PKD2L2: variants seen among roughly 807,000 people sequenced by gnomAD.
PKD2L2 encodes the protein polycystin-2-like protein 2.
Under a neutral mutation model 83.9 loss-of-function variants are expected in PKD2L2, and 67 were observed. The ratio of observed to expected loss-of-function variants is 0.80; its 90% CI spans 0.66 to 0.98. The LOEUF is 0.98. PKD2L2 is among the 50% of genes least tolerant of loss of function. The probability of loss-of-function intolerance (pLI) is 0.00; values close to 1 mark genes in which losing one functional copy is unlikely to be tolerated. For missense variants in PKD2L2, 632 were observed against 717.2 expected, an observed-to-expected ratio of 0.88 and a Z score of 1.36; for synonymous variants, 223 against 237.8, an observed-to-expected ratio of 0.94 and a Z score of 0.57.
chr5:137,897,539 T>C (rs1756585465), intron 4 of PKD2L2, among the ~76,000 whole-genome samples: 2 of 152,322 alleles, frequency 1.3e-5, no homozygotes, highest in South Asian at 4.1e-4. Context: ...ATCAATTAGG[T>C]TTATTTTATA....
At chr5:137,914,571 C>T (rs1758156087) in intron 8 of PKD2L2, among the ~76,000 whole-genome samples, 1 of 152,136 alleles carries the variant, frequency 6.6e-6, no homozygotes, top group Non-Finnish European at 1.5e-5. Context: ...GTCATATCAT[C>T]TGCAAAGAAA....
At chr5:137,893,611 CT>C (rs1178114189) in intron 3 of PKD2L2, among the ~76,000 whole-genome samples, 1 of 152,064 alleles carries the variant, frequency 6.6e-6, no homozygotes, top group Non-Finnish European at 1.5e-5. Context: ...ACATGTGGAG[CT>C]ATGTTTGGTA....
intron 8 of PKD2L2, among the ~76,000 whole-genome samples, chr5:137,920,562 G>A (rs1758798879): frequency 6.6e-6 from 1 of 151,890 alleles, no homozygotes; most frequent in Non-Finnish European, 1.5e-5. Flanking sequence ...TTCGAGACCA[G>A]CCTGGACAAG....
intron 14 of PKD2L2, among the ~76,000 whole-genome samples, chr5:137,940,637 C>G (rs1761427994): frequency 6.6e-6 from 1 of 152,212 alleles, no homozygotes; most frequent in Non-Finnish European, 1.5e-5. Context: ...CAGTGCTAGA[C>G]TCTGCCAGGT....
At chr5:137,941,171 G>T (rs1321965430) in intron 14 of PKD2L2, among the ~76,000 whole-genome samples, 1 of 152,082 alleles carries the variant, frequency 6.6e-6, no homozygotes, top group Non-Finnish European at 1.5e-5. Flanking sequence ...GCCTCCCAAA[G>T]TGCTGGTATT....
Position 137,942,550 on chromosome 5 carries a change from T to C in PKD2L2, c.*184T>C. On this transcript the variant is annotated 3_prime_UTR_variant, in exon 15 of 15. Transcript: ENST00000508883. ...TAATTTAAACAAAATTTTTATACAGTCTGGGTCCCACTATATTGCCCAGGC... is the reference window on the plus strand; with the variant it reads ...TAATTTAAACAAAATTTTTATACAGCCTGGGTCCCACTATATTGCCCAGGC... 3.6e-6 allele frequency: 1 copy of C among 281,508 alleles called. No individual in the cohort carries two copies. 17.4% of individuals were successfully genotyped at this position (281,508 alleles called of 1,614,324 possible).
At chr5:137,908,737 T>C in intron 7 of PKD2L2, 28 bp from the exon 8 acceptor site, 1 of 1,113,278 alleles carries the variant, frequency 9.0e-7, no homozygotes, top group South Asian at 1.5e-5. Flanking sequence ...GATATTCTCC[T>C]ATTTCAATTA....
chr5:137,899,753 C>CT lies in PKD2L2; in HGVS notation c.746+23dup. The CT allele has an allele frequency of 1.3e-6, 2 of 1,488,386 alleles. No individual in the cohort carries two copies. The highest frequency in any genetic ancestry group is 1.9e-6 in the Non-Finnish European group (2 of 1,073,138). 92.2% of individuals were successfully genotyped at this position (1,488,386 alleles called of 1,614,324 possible). A position where few individuals can be genotyped will look rare whatever the true frequency, so the allele number is the denominator to read the frequency against. ...GTATTATCAGGTGAGTGACTCAAAA[C>CT]TTTTTTTCATAGACAGTGGTCAATG... On this transcript the variant is annotated intron_variant, in intron 5 of 14. Coordinates refer to ENST00000508883, the MANE Select transcript of PKD2L2 (RefSeq NM_001300921.2).
chr5:137,906,290 C>T lies in PKD2L2; in HGVS notation c.831C>T (p.Tyr277=). ...TGAAGCTCCTCAGATATGTTAGCTA[C>T]TATGACTATTTTATTGCTTCCTGTG... ...YSVKLLRYVS[Y]YDYFIASCEI... The change falls in exon 6 of 15, where the codon TAC becomes TAT. Residue 277 remains tyrosine (Y), a synonymous_variant. Transcript: ENST00000508883. 6.2e-7 allele frequency: 1 copy of T among 1,611,106 alleles called. No homozygotes were observed. The highest frequency in any genetic ancestry group is 8.5e-7 in the Non-Finnish European group (1 of 1,177,394).
Position 137,892,499 on chromosome 5 carries a change from C to T in PKD2L2, c.153C>T (p.Asn51=). 6.4e-7 allele frequency: 1 copy of T among 1,563,294 alleles called. No homozygotes were observed. ...CCTTAGTGACTTTTGGGATGGTAAA[C>T]CCACATATGTATTACTTAAACAAGG... ...NLCILTFGMV[N]PHMYYLNKVM... is the part of the protein sequence containing the mutation. The change falls in exon 3 of 15, where the codon AAC becomes AAT. Residue 51 remains asparagine, a synonymous_variant. Coordinates refer to ENST00000508883, the MANE Select transcript of PKD2L2 (RefSeq NM_001300921.2).
Position 137,889,520 on chromosome 5 carries a change from G to T in PKD2L2, c.29G>T (p.Gly10Val). Residue 10 changes from glycine to valine, a missense_variant and splice_region_variant, in exon 1 of 15, where the codon GGC becomes GTC. This residue lies in a region of PKD2L2 where 229 missense variants were observed against 281.5 expected (regional missense o/e 0.81). Transcript: ENST00000508883. MAEASRWHR[G>V]GASKHKLHYR... ...GCTGAGGCGTCACGGTGGCACCGAG[G>T]CGGTGAGGGGTCCTCTTAAGGAGTG... 1 of 1,553,758 alleles carries T rather than the reference G, an allele frequency of 6.4e-7. No individual in the cohort carries two copies. Among genetic ancestry groups the T allele is most frequent in the Non-Finnish European group, 8.6e-7 (1 of 1,158,274 alleles).
At chr5:137,925,328 T>C (rs1183038855) in intron 11 of PKD2L2, among the ~76,000 whole-genome samples, 1 of 152,156 alleles carries the variant, frequency 6.6e-6, no homozygotes, top group African/African-American at 2.4e-5. Flanking sequence ...AAGGTTTTAA[T>C]TGCAAAACCA....
At chr5:137,934,271 T>A (rs779353652) in intron 12 of PKD2L2, among the ~76,000 whole-genome samples, 4 of 152,176 alleles carry the variant, frequency 2.6e-5, no homozygotes, top group Non-Finnish European at 4.4e-5. Flanking sequence ...CCTCTAAGTG[T>A]CAAGGAAGGC....
In PKD2L2 at chr5:137,935,925, A is replaced by G; in HGVS notation, c.1784+16A>G. The G allele has an allele frequency of 7.6e-7, 1 of 1,310,638 alleles. No homozygotes were observed. The highest frequency in any genetic ancestry group is 1.2e-5 in the South Asian group (1 of 83,834). 81.2% of individuals were successfully genotyped at this position (1,310,638 alleles called of 1,614,324 possible). A position where few individuals can be genotyped will look rare whatever the true frequency, so the allele number is the denominator to read the frequency against. ...AATTTCGAGAGTAAGCTTATGTTCT[A>G]ACCAGACTATTATGGGATATCATGA... On this transcript the variant is annotated intron_variant, in intron 13 of 14. Coordinates refer to ENST00000508883, the MANE Select transcript of PKD2L2 (RefSeq NM_001300921.2).
chr5:137,894,469 TC>T lies in PKD2L2; in HGVS notation c.387del (p.Arg130GlufsTer5). ...ACTATGAAAATATACTTCTAGGAGT[TC>T]CCAGAGTTCGTCAACTAAAAGTCCG... ...IYYENILLGV[P>X]RVRQLKVRNN... On this transcript the variant is annotated frameshift_variant, in exon 4 of 15. Coordinates refer to ENST00000508883, the MANE Select transcript of PKD2L2 (RefSeq NM_001300921.2). LOFTEE classifies it high-confidence loss of function. The T allele has an allele frequency of 6.2e-7, 1 of 1,613,970 alleles. No individual in the cohort carries two copies. The highest frequency in any genetic ancestry group is 8.5e-7 in the Non-Finnish European group (1 of 1,179,926).
At chr5:137,922,922 T>C (rs1287851921) in intron 9 of PKD2L2, among the ~76,000 whole-genome samples, 1 of 152,204 alleles carries the variant, frequency 6.6e-6, no homozygotes, top group African/African-American at 2.4e-5. Context: ...TTCTACTTTA[T>C]TGTCTGCATA....
intron 12 of PKD2L2, among the ~76,000 whole-genome samples, chr5:137,927,913 C>A (rs565450077): frequency 1.1e-4 from 16 of 152,134 alleles, no homozygotes; most frequent in African/African-American, 3.6e-4. Context: ...GCCTGTAATC[C>A]CAGCACTTTG....
intron 12 of PKD2L2, 43 bp from the exon 13 acceptor site, chr5:137,935,754 A>G (rs749460055): frequency 1.0e-5 from 10 of 998,760 alleles, no homozygotes. Flanking sequence ...CTTGAAATAG[A>G]GAACTAAAGA....
chr5:137,899,036 G>C (rs1756730116), intron 4 of PKD2L2, among the ~76,000 whole-genome samples: 1 of 152,078 alleles, frequency 6.6e-6, no homozygotes, highest in South Asian at 2.1e-4. Flanking sequence ...GCATTGTCTT[G>C]CTTTAAAATT....
Sources: gnomAD v4.1 joint callset for allele counts (sites outside exome capture counted in the v4.1 genomes callset) on GRCh38, gnomAD v4.1.1 for gene constraint, gnomAD v4.1.1 regional missense constraint, MANE v1.5 for transcripts, NCBI Gene and HGNC (gene_info 2026-07-23, HGNC 2026-07-21) for gene names.